TBC1D8: variants seen among roughly 807,000 people sequenced by gnomAD.
The protein encoded by TBC1D8 is TBC1 domain family member 8.
In TBC1D8, 65 loss-of-function variants were observed where a neutral mutation model predicts 118.8. The observed-to-expected ratio is 0.55, with a 90% CI of 0.45 to 0.67. TBC1D8 has a LOEUF of 0.67. Among genes scored for constraint, TBC1D8 ranks in the 30% least tolerant of loss-of-function variants. The pLI is 0.00. For missense variants in TBC1D8, 1,376 were observed against 1,471.2 expected (o/e 0.94, Z 1.06); for synonymous variants, 566 against 595.8 (o/e 0.95, Z 0.73).
Position 101,028,314 on chromosome 2 carries a change from C to A in TBC1D8, c.2341G>T (p.Asp781Tyr), listed in dbSNP as rs1266477872. ...PVTDISDLIRDSYEKFGDQSV... is the reference protein window; with the variant it reads ...PVTDISDLIRYSYEKFGDQSV... ...GGGGTTCCCGTTACCTCATAGGAAT[C>A]CCGGATCAGGTCCGAAATATCAGTC... The change falls in exon 13 of 20, where the codon GAT becomes TAT. Residue 781 changes from aspartate (D) to tyrosine (Y), a missense_variant. Asp to Tyr is a radical substitution (Grantham distance 160). Transcript: ENST00000409318. 6.2e-7 allele frequency: 1 copy of A among 1,612,360 alleles called. No homozygotes were observed. The highest frequency in any genetic ancestry group is 1.1e-5 in the South Asian group (1 of 90,798).
At position 101,033,692 on chromosome 2, in the gene TBC1D8, T is replaced by G. The variant is rs1167511295; in HGVS notation, c.1670A>C (p.Lys557Thr). 1 of 1,613,926 alleles carries G rather than the reference T, an allele frequency of 6.2e-7. No homozygotes were observed. The highest frequency in any genetic ancestry group is 8.5e-7 in the Non-Finnish European group (1 of 1,179,872). ...YGNLVEESLGKCCLVTEEIER... is the reference protein window; with the variant it reads ...YGNLVEESLGTCCLVTEEIER... ...TATCTCCTCGGTTACCAGGCAGCAT[T>G]TCCCCAGGGACTCCTCCACCAGATT... Residue 557 changes from lysine to threonine, a missense_variant, in exon 10 of 20, where the codon AAA becomes ACA. Lys to Thr is a moderately conservative substitution (Grantham distance 78). Coordinates refer to ENST00000409318, the MANE Select transcript of TBC1D8 (RefSeq NM_001330348.2).
At chr2:101,056,243 G>C (rs796185973) in intron 3 of TBC1D8, among the ~76,000 whole-genome samples, 2 of 146,090 alleles carry the variant, frequency 1.4e-5, no homozygotes, top group South Asian at 2.2e-4. Context: ...TCGCTCTGTC[G>C]CCCAGGCTGG....
At position 101,019,101 on chromosome 2, in the gene TBC1D8, C is replaced by T; in HGVS notation, c.2827+2580G>A. 8.9e-6 allele frequency: 14 copies of T among 1,570,796 alleles called. No homozygotes were observed. In the South Asian group the frequency reaches 1.5e-4, roughly 17 times the overall value. ...CGGCTCTTCATTGCTTCCTGAGCTG[C>T]AGCAGATGCCTTTACAACCAAGCTC... is the stretch of plus-strand genomic sequence containing the variant. On this transcript the variant is annotated intron_variant, in intron 17 of 19. Transcript: ENST00000409318.
chr2:101,025,863 A>G (rs1680308895), intron 15 of TBC1D8, among the ~76,000 whole-genome samples: 1 of 152,228 alleles, frequency 6.6e-6, no homozygotes, highest in African/African-American at 2.4e-5. Context: ...ACTTGCAGAG[A>G]TAAAGTAATG....
At chr2:101,113,556 G>T (rs910708885) in intron 1 of TBC1D8, among the ~76,000 whole-genome samples, 1 of 152,050 alleles carries the variant, frequency 6.6e-6, no homozygotes, top group African/African-American at 2.4e-5. Flanking sequence ...CACAAATACC[G>T]CCTGCAGCCT....
intron 1 of TBC1D8, among the ~76,000 whole-genome samples, chr2:101,094,811 T>C (rs1676283677): frequency 6.6e-6 from 1 of 152,124 alleles, no homozygotes; most frequent in Non-Finnish European, 1.5e-5. Context: ...CCCATATATA[T>C]GACAAAGACA....
intron 3 of TBC1D8, among the ~76,000 whole-genome samples, chr2:101,058,996 C>A (rs968787626): frequency 6.6e-6 from 1 of 152,044 alleles, no homozygotes; most frequent in Non-Finnish European, 1.5e-5. Flanking sequence ...AGCACCACCT[C>A]CCGGGTTCAC....
intron 19 of TBC1D8, 145 bp from the exon 20 acceptor site, chr2:101,008,418 C>T (rs1678912804): frequency 1.5e-6 from 1 of 688,962 alleles, no homozygotes; most frequent in Non-Finnish European, 2.3e-6. Flanking sequence ...TGCCTTTCCA[C>T]TCTAAACTAT....
intron 1 of TBC1D8, among the ~76,000 whole-genome samples, chr2:101,137,657 A>G (rs571761925): frequency 5.3e-5 from 8 of 152,216 alleles, no homozygotes; most frequent in Non-Finnish European, 7.3e-5. Flanking sequence ...ATTATTTCTA[A>G]CAAAATACTA....
intron 3 of TBC1D8, among the ~76,000 whole-genome samples, chr2:101,058,648 G>A (rs1453034652): frequency 6.6e-6 from 1 of 151,786 alleles, no homozygotes; most frequent in African/African-American, 2.4e-5. Context: ...AAACTTAATT[G>A]GCTTTCATTA....
chr2:101,054,020 A>C (rs946819593), intron 4 of TBC1D8, 88 bp downstream of exon 4: 2 of 1,212,040 alleles, frequency 1.7e-6, no homozygotes, highest in African/African-American at 1.5e-5. Flanking sequence ...AATCTGTCCA[A>C]CTCTTCCTGT....
rs1680545199 is a variant in TBC1D8 at position 101,029,503 on chromosome 2, A to G, written c.2210T>C (p.Met737Thr). The G allele has an allele frequency of 6.2e-7, 1 of 1,612,896 alleles. No homozygotes were observed. The highest frequency in any genetic ancestry group is 1.3e-5 in the African/African-American group (1 of 74,866). ...CSSKDDGQAL[M>T]ILSRFLDHIK... is the part of the protein sequence containing the mutation. ...CAGCGGGGCCCACCTGCTGAGGATC[A>G]TCAAGGCCTGGCCATCATCCTTGCT... The change falls in exon 12 of 20, where the codon ATG becomes ACG. Residue 737 changes from methionine to threonine, a missense_variant. Physicochemically the swap from Met to Thr is moderately conservative, Grantham distance 81 (BLOSUM62 -1). Coordinates refer to ENST00000409318, the MANE Select transcript of TBC1D8 (RefSeq NM_001330348.2).
chr2:101,118,056 C>T (rs1482568959), intron 1 of TBC1D8, among the ~76,000 whole-genome samples: 1 of 151,958 alleles, frequency 6.6e-6, no homozygotes, highest in Non-Finnish European at 1.5e-5. Context: ...GCAAATGCCA[C>T]TCTTATCACA....
chr2:101,064,196 G>A (rs916656015), intron 2 of TBC1D8, among the ~76,000 whole-genome samples: 2 of 152,134 alleles, frequency 1.3e-5, no homozygotes, highest in Non-Finnish European at 2.9e-5. Flanking sequence ...CATTAAAGCA[G>A]GGCTCTAGTT....
chr2:101,029,870 A>G, intron 11 of TBC1D8, 94 bp from the exon 12 acceptor site: 1 of 1,353,378 alleles, frequency 7.4e-7, no homozygotes, highest in Non-Finnish European at 1.0e-6. Context: ...ACCAGAACAA[A>G]GAGATGGAAT....
intron 8 of TBC1D8, 60 bp from the exon 9 acceptor site, chr2:101,036,228 C>T (rs1218747545): frequency 2.2e-5 from 34 of 1,578,476 alleles, no homozygotes; most frequent in Admixed American, 5.1e-5. Flanking sequence ...CCCCACCCAC[C>T]GATGCACCGC....
chr2:101,053,533 G>A (rs369587557), intron 4 of TBC1D8, among the ~76,000 whole-genome samples: 11 of 152,242 alleles, frequency 7.2e-5, no homozygotes, highest in African/African-American at 2.4e-4. Context: ...AGAAGTGTCC[G>A]TGGGAATGAC....
At chr2:101,027,689 T>C (rs1200393816) in intron 14 of TBC1D8, among the ~76,000 whole-genome samples, 1 of 152,194 alleles carries the variant, frequency 6.6e-6, no homozygotes, top group Non-Finnish European at 1.5e-5. Flanking sequence ...CGAGCTCTAA[T>C]GGAAGCCAGG....
At chr2:101,055,206 A>G (rs1407829091) in intron 3 of TBC1D8, among the ~76,000 whole-genome samples, 2 of 151,844 alleles carry the variant, frequency 1.3e-5, no homozygotes, top group African/African-American at 2.4e-5. Flanking sequence ...CCTGACCAAC[A>G]TGGTGAAACC....
Sources: gnomAD v4.1 joint callset for allele counts (sites outside exome capture counted in the v4.1 genomes callset) on GRCh38, gnomAD v4.1.1 for gene constraint, MANE v1.5 for transcripts, NCBI Gene and HGNC (gene_info 2026-07-23, HGNC 2026-07-21) for gene names.